RPS6KA2: variants seen among roughly 807,000 people sequenced by gnomAD.
RPS6KA2 encodes ribosomal protein S6 kinase A2.
In RPS6KA2, 42 loss-of-function variants were observed where a neutral mutation model predicts 91.8. That is an observed-to-expected ratio of 0.46 (90% CI 0.36 to 0.59). The LOEUF is 0.59. Among genes scored for constraint, RPS6KA2 ranks in the 20% least tolerant of loss-of-function variants. The pLI, the probability that RPS6KA2 is intolerant of heterozygous loss-of-function variation, is 0.00. For missense variants in RPS6KA2, 798 were observed against 978.5 expected (o/e 0.82, Z 2.46); for synonymous variants, 414 against 393.6 (o/e 1.05, Z -0.61).
intron 1 of RPS6KA2, among the ~76,000 whole-genome samples, chr6:166,596,352 G>A (rs932676810): frequency 1.3e-5 from 2 of 152,152 alleles, no homozygotes; most frequent in Admixed American, 6.6e-5. Flanking sequence ...CATTCAACTC[G>A]GTGAACTGGG....
intron 2 of RPS6KA2, among the ~76,000 whole-genome samples, chr6:166,786,458 T>C (rs11751464): frequency 0.13 from 20,148 of 151,494 alleles, 1,449 homozygotes; most frequent in Middle Eastern, 0.18. Flanking sequence ...GTAGAAAAGG[T>C]AACAAAATAA....
intron 2 of RPS6KA2, among the ~76,000 whole-genome samples, chr6:166,731,787 G>C (rs557548987): frequency 6.6e-6 from 1 of 152,194 alleles, no homozygotes; most frequent in Non-Finnish European, 1.5e-5. Context: ...ACGGACTGAA[G>C]CTCCACCACC....
chr6:166,448,353 G>A lies in RPS6KA2; in HGVS notation c.1332+371C>T, dbSNP rs948259670. Among the ~76,000 whole-genome samples, 1 of 152,138 alleles carries A rather than the reference G, an allele frequency of 6.6e-6. No individual in the cohort carries two copies. Among genetic ancestry groups the A allele is most frequent in the Non-Finnish European group, 1.5e-5 (1 of 68,036 alleles). On this transcript the variant is annotated intron_variant, in intron 14 of 20. Coordinates refer to ENST00000265678, the MANE Select transcript of RPS6KA2 (RefSeq NM_021135.6). The surrounding 1 kb of genome is among the most constrained non-coding windows in gnomAD (Gnocchi z 4.7). The stretch of plus-strand genomic sequence containing the variant: ...GCTCTTGGTGTATGTCATACACCAA[G>A]CTACGAAAGGTGCTCAGTCCCTGCG...
intron 1 of RPS6KA2, among the ~76,000 whole-genome samples, chr6:166,606,999 G>A (rs1785976929): frequency 6.6e-6 from 1 of 152,142 alleles, no homozygotes; most frequent in African/African-American, 2.4e-5. Flanking sequence ...AAAAGTAGCT[G>A]GGTGTGCTGG....
Position 166,767,300 on chromosome 6 carries a change from A to G in RPS6KA2, c.123+90900T>C, listed in dbSNP as rs1242808266. Among the ~76,000 whole-genome samples the G allele has an allele frequency of 6.6e-6, 1 of 152,206 alleles. No homozygotes were observed. ...TCACACGCTTCAGCTTGCAAGGCAG[A>G]GGCACGGAACGATTTGATGAAAAAG... On this transcript the variant is annotated intron_variant, in intron 2 of 21. Coordinates refer to the RPS6KA2 transcript ENST00000503859. The surrounding 1 kb of genome is among the most constrained non-coding windows in gnomAD (Gnocchi z 4.6).
At chr6:166,697,241 A>G (rs1369330411) in intron 2 of RPS6KA2, among the ~76,000 whole-genome samples, 1 of 152,228 alleles carries the variant, frequency 6.6e-6, no homozygotes, top group Non-Finnish European at 1.5e-5. Context: ...CATATAAGCT[A>G]TAGGATATCC....
chr6:166,552,872 G>T (rs193225915), intron 1 of RPS6KA2, among the ~76,000 whole-genome samples: 1 of 152,346 alleles, frequency 6.6e-6, no homozygotes, highest in Non-Finnish European at 1.5e-5. Flanking sequence ...AACCACGCTG[G>T]TCCCTGGAGG....
At chr6:166,859,806 T>C (rs1290255703) in intron 1 of RPS6KA2, among the ~76,000 whole-genome samples, 2 of 152,248 alleles carry the variant, frequency 1.3e-5, no homozygotes. Flanking sequence ...CCAGGAATGC[T>C]GATTCTAGTC....
At chr6:166,624,482 G>A (rs1786758138) in intron 1 of RPS6KA2, among the ~76,000 whole-genome samples, 1 of 152,178 alleles carries the variant, frequency 6.6e-6, no homozygotes, top group Non-Finnish European at 1.5e-5. Flanking sequence ...CAAACGAACA[G>A]GCAGCCTTCT....
intron 2 of RPS6KA2, among the ~76,000 whole-genome samples, chr6:166,661,700 A>T (rs1285944289): frequency 6.6e-6 from 1 of 152,162 alleles, no homozygotes; most frequent in South Asian, 2.1e-4. Context: ...TATTTTAGTA[A>T]GTCAAATCGA....
intron 2 of RPS6KA2, among the ~76,000 whole-genome samples, chr6:166,753,005 T>C (rs1448556303): frequency 6.6e-6 from 1 of 152,232 alleles, no homozygotes; most frequent in Non-Finnish European, 1.5e-5. Flanking sequence ...TCTGTGGGTT[T>C]AGTCACTGCA....
At chr6:166,536,411 C>A (rs574670433) in intron 2 of RPS6KA2, among the ~76,000 whole-genome samples, 7 of 152,288 alleles carry the variant, frequency 4.6e-5, no homozygotes, top group Admixed American at 3.9e-4. Flanking sequence ...TAACGTGGGG[C>A]ATTAGAACAC....
At chr6:166,782,098 C>T (rs1195067762) in intron 2 of RPS6KA2, among the ~76,000 whole-genome samples, 1 of 152,166 alleles carries the variant, frequency 6.6e-6, no homozygotes, top group Middle Eastern at 3.2e-3. Context: ...TGAGACCAGC[C>T]TGGCTAACAT....
chr6:166,421,536 C>T (rs540910904), intron 17 of RPS6KA2, among the ~76,000 whole-genome samples: 1 of 152,294 alleles, frequency 6.6e-6, no homozygotes, highest in African/African-American at 2.4e-5. Flanking sequence ...TGGGACCAGC[C>T]TCCATAGGCC....
chr6:166,508,490 C>T lies in RPS6KA2; in HGVS notation c.380-208G>A, dbSNP rs1484949971. 1.3e-5 allele frequency among the ~76,000 whole-genome samples: 2 copies of T among 152,124 alleles called. No individual in the cohort carries two copies. The highest frequency in any genetic ancestry group is 1.9e-4 in the East Asian group (1 of 5,180). ...GTGAGCGCTGCCCCTCTCTCACTGT[C>T]GTTAGGGGGCCTTGAGATTTCTTTC... is the stretch of plus-strand genomic sequence containing the variant. On this transcript the variant is annotated intron_variant, in intron 4 of 20. Coordinates refer to ENST00000265678, the MANE Select transcript of RPS6KA2 (RefSeq NM_021135.6). The surrounding 1 kb of genome is among the most constrained non-coding windows in gnomAD (Gnocchi z 4.3).
At chr6:166,586,104 A>G in intron 1 of RPS6KA2, 1 of 1,347,502 alleles carries the variant, frequency 7.4e-7, no homozygotes, top group Non-Finnish European at 9.8e-7. Flanking sequence ...TTTTACTAAA[A>G]GCTGCCAACA....
intron 1 of RPS6KA2, among the ~76,000 whole-genome samples, chr6:166,589,512 G>A (rs867647422): frequency 6.6e-6 from 1 of 152,340 alleles, no homozygotes; most frequent in East Asian, 1.9e-4. Flanking sequence ...TGTACCCTTA[G>A]AATTGAAATC....
chr6:166,487,382 G>A (rs1781447744), intron 10 of RPS6KA2, among the ~76,000 whole-genome samples: 1 of 152,174 alleles, frequency 6.6e-6, no homozygotes, highest in African/African-American at 2.4e-5. Flanking sequence ...AGCTCACTGT[G>A]TCACCTGCTC....
chr6:166,753,241 G>A (rs1562419922), intron 2 of RPS6KA2, among the ~76,000 whole-genome samples: 1 of 152,122 alleles, frequency 6.6e-6, no homozygotes, highest in African/African-American at 2.4e-5. Context: ...TCTACGCAAG[G>A]GAAGAACAGT....
Sources: allele counts gnomAD v4.1 joint callset (sites outside exome capture counted in the v4.1 genomes callset), GRCh38; gene constraint gnomAD v4.1.1; non-coding constraint Gnocchi (gnomAD v3.1); transcripts MANE v1.5; gene names NCBI Gene and HGNC (gene_info 2026-07-23, HGNC 2026-07-21).